LAP3: variants seen among roughly 807,000 people sequenced by gnomAD.
LAP3 encodes the protein leucine aminopeptidase 3.
LAP3 carries 46 observed loss-of-function variants against 58.8 expected under a neutral mutation model. That is an observed-to-expected ratio of 0.78 (90% CI 0.62 to 1.00). The LOEUF (loss-of-function observed/expected upper bound fraction) is 1.00, where lower values mean the gene tolerates loss of function less well. Among genes scored for constraint, LAP3 ranks in the 50% least tolerant of loss-of-function variants. LAP3 has a pLI of 0.00. For missense variants in LAP3, 615 were observed against 659.1 expected, an observed-to-expected ratio of 0.93 and a Z score of 0.73; for synonymous variants, 257 against 237.7, an observed-to-expected ratio of 1.08 and a Z score of -0.75.
Position 17,607,661 on chromosome 4 carries a change from G to A in LAP3, c.*72G>A. 1.7e-6 allele frequency: 2 copies of A among 1,160,278 alleles called. No individual in the cohort carries two copies. The highest frequency in any genetic ancestry group is 2.6e-5 in the East Asian group (1 of 39,178). The allele number at this position is 1,160,278 out of a possible 1,614,324, so 71.9% of individuals were successfully genotyped here. ...GAACTTAAAAGGTTTTTGAATAAAT[G>A]GATGAAAATCTTTTAACGGAGACAA... On this transcript the variant is annotated 3_prime_UTR_variant, in exon 13 of 13. Transcript: ENST00000226299.
chr4:17,591,868 T>TA (rs1196896453), intron 7 of LAP3, among the ~76,000 whole-genome samples: 4 of 152,154 alleles, frequency 2.6e-5, no homozygotes, highest in African/African-American at 9.7e-5. Flanking sequence ...CAGTTGGCCG[T>TA]AACTGAAGGG....
rs772615869 is a variant in LAP3 at position 17,598,464 on chromosome 4, C to A, written c.1086C>A (p.Asn362Lys). The change falls in exon 10 of 13, where the codon AAC becomes AAA. Residue 362 changes from asparagine to lysine, a missense_variant. Transcript: ENST00000226299. ...AKNGKTIQVD[N>K]TDAEGRLILA... Reference sequence around the variant, plus strand: ...TTTTTGACCCTCTGCAGGTTGATAACACTGATGCTGAGGGGAGGCTCATAC... The same window carrying A: ...TTTTTGACCCTCTGCAGGTTGATAAAACTGATGCTGAGGGGAGGCTCATAC... 6.2e-7 allele frequency: 1 copy of A among 1,612,680 alleles called. No individual in the cohort carries two copies. The highest frequency in any genetic ancestry group is 1.1e-5 in the South Asian group (1 of 91,042).
At chr4:17,585,868 T>G (rs370928468) in intron 6 of LAP3, 3 of 152,348 alleles carry the variant, frequency 2.0e-5, no homozygotes, top group East Asian at 3.9e-4. Context: ...ACACTTTGGT[T>G]GTTTTTACCT....
At chr4:17,580,176 A>ATGTGTG (rs1166768597) in intron 2 of LAP3, among the ~76,000 whole-genome samples, 7 of 65,570 alleles carry the variant, frequency 1.1e-4, no homozygotes, top group Admixed American at 5.5e-4. Flanking sequence ...ATATATATAT[A>ATGTGTG]TATATGTATT....
intron 7 of LAP3, among the ~76,000 whole-genome samples, chr4:17,591,445 A>G (rs1220910503): frequency 4.6e-5 from 7 of 152,182 alleles, no homozygotes; most frequent in Non-Finnish European, 1.0e-4. Flanking sequence ...CTGGCCCTAG[A>G]CTAAATGTCT....
chr4:17,579,783 A>C, intron 1 of LAP3, 41 bp from the exon 2 acceptor site: 2 of 1,110,206 alleles, frequency 1.8e-6, no homozygotes, highest in Non-Finnish European at 1.4e-6. Flanking sequence ...TAAGGGATCT[A>C]CTCTAATTCT....
intron 10 of LAP3, 28 bp from the exon 11 acceptor site, chr4:17,604,560 A>G (rs779129665): frequency 1.9e-6 from 3 of 1,599,398 alleles, no homozygotes; most frequent in East Asian, 2.2e-5. Context: ...GAGAGACTGC[A>G]CGTGACCTGA....
At chr4:17,585,313 T>G in intron 6 of LAP3, 177 bp downstream of exon 6, 1 of 549,014 alleles carries the variant, frequency 1.8e-6, no homozygotes, top group Non-Finnish European at 3.3e-6. Context: ...CTTTCTATCT[T>G]TCCTTGCCTT....
In LAP3 at chr4:17,586,380, A is replaced by G. The variant is rs190850396; in HGVS notation, c.704+1244A>G. On this transcript the variant is annotated intron_variant, in intron 6 of 12. Coordinates refer to ENST00000226299, the MANE Select transcript of LAP3 (RefSeq NM_015907.3). ...ATCTATGGTTTAGACAGAGTGAAGAAAAATTAATAGTCTGTAGAAAGCACA... is the reference window on the plus strand; with the variant it reads ...ATCTATGGTTTAGACAGAGTGAAGAGAAATTAATAGTCTGTAGAAAGCACA... The G allele has an allele frequency of 4.6e-5, 7 of 152,352 alleles. No individual in the cohort carries two copies. The East Asian group carries it at 1.4e-3, about 29-fold the overall frequency. 9.4% of individuals were successfully genotyped at this position (152,352 alleles called of 1,614,324 possible).
chr4:17,589,058 G>C, intron 7 of LAP3, 81 bp downstream of exon 7: 1 of 1,411,322 alleles, frequency 7.1e-7, no homozygotes, highest in Non-Finnish European at 9.5e-7. Flanking sequence ...GGGTTTTTTG[G>C]TTTGATTTTT....
intron 7 of LAP3, among the ~76,000 whole-genome samples, chr4:17,590,280 G>T (rs1422202871): frequency 6.6e-6 from 1 of 152,166 alleles, no homozygotes; most frequent in Non-Finnish European, 1.5e-5. Context: ...ACCATACGAT[G>T]TTGATGTCCC....
rs201319702 is a variant in LAP3 at position 17,607,448 on chromosome 4, T to C, written c.1419T>C (p.Thr473=). ...CAGCATTCCTGAAAGAATTCGTAAC[T>C]CATCCTAAGTGGGCACATTTAGACA... ...TAAAFLKEFV[T]HPKWAHLDIA... The change falls in exon 13 of 13, where the codon ACT becomes ACC. Residue 473 remains threonine, a synonymous_variant. Transcript: ENST00000226299. 1,410 of 1,613,852 alleles carry C rather than the reference T, an allele frequency of 8.7e-4. 2 individuals are homozygous for C. The highest frequency in any genetic ancestry group is 1.0e-3 in the Non-Finnish European group (1,230 of 1,180,008).
At chr4:17,587,913 G>A (rs890098482) in intron 6 of LAP3, among the ~76,000 whole-genome samples, 1 of 151,348 alleles carries the variant, frequency 6.6e-6, no homozygotes, top group Admixed American at 6.6e-5. Flanking sequence ...CAGTCATTGG[G>A]ATATAGCTTT....
intron 11 of LAP3, among the ~76,000 whole-genome samples, 179 bp from the exon 12 acceptor site, chr4:17,606,650 T>C (rs1714150324): frequency 6.6e-6 from 1 of 152,138 alleles, no homozygotes; most frequent in Non-Finnish European, 1.5e-5. Context: ...CTGGTTTCTT[T>C]TATAGTTCTA....
At position 17,577,428 on chromosome 4, in the gene LAP3, GC is replaced by G; in HGVS notation, c.-37del. 2.0e-6 allele frequency: 3 copies of G among 1,476,040 alleles called. No individual in the cohort carries two copies. The highest frequency in any genetic ancestry group is 2.7e-6 in the Non-Finnish European group (3 of 1,097,930). The allele number at this position is 1,476,040 out of a possible 1,614,324, so 91.4% of individuals were successfully genotyped here. A position where few individuals can be genotyped will look rare whatever the true frequency, so the allele number is the denominator to read the frequency against. ...CGCGCCCGCCCACCGCTCTCCACGTGCTCGCTGGAGGGCGGTGCGAGGGGCC... is the reference window on the plus strand; with the variant it reads ...CGCGCCCGCCCACCGCTCTCCACGTGTCGCTGGAGGGCGGTGCGAGGGGCC... On this transcript the variant is annotated 5_prime_UTR_variant, in exon 1 of 13. Transcript: ENST00000226299.
intron 7 of LAP3, among the ~76,000 whole-genome samples, chr4:17,594,644 C>T (rs1308473402): frequency 6.6e-6 from 1 of 152,190 alleles, no homozygotes; most frequent in Non-Finnish European, 1.5e-5. Context: ...TAATTGCAGC[C>T]TTATTCAGTT....
At position 17,577,581 on chromosome 4, in the gene LAP3, G is replaced by A. The variant is rs1713242502; in HGVS notation, c.102+14G>A. The A allele has an allele frequency of 1.3e-6, 2 of 1,530,326 alleles. No homozygotes were observed. The highest frequency in any genetic ancestry group is 2.5e-5 in the East Asian group (1 of 39,428). The allele number at this position is 1,530,326 out of a possible 1,614,324, so 94.8% of individuals were successfully genotyped here. ...GACATGACGAAGGTGAGAGGCGGCG[G>A]CTCGCTCATGGTCCGCCGCTGGGGC... is the stretch of plus-strand genomic sequence containing the variant. On this transcript the variant is annotated intron_variant, in intron 1 of 12. Transcript: ENST00000226299.
chr4:17,598,606 G>A (rs780663554), intron 10 of LAP3, 48 bp downstream of exon 10: 35 of 1,346,430 alleles, frequency 2.6e-5, no homozygotes, highest in South Asian at 1.5e-4. Flanking sequence ...AGTCTTGTTC[G>A]TTGCATGGAT....
At chr4:17,596,614 C>T (rs577895072) in intron 8 of LAP3, among the ~76,000 whole-genome samples, 21 of 152,348 alleles carry the variant, frequency 1.4e-4, no homozygotes, top group South Asian at 1.2e-3. Context: ...GCTGGGATTA[C>T]AGGCATGAGC....
Sources: gnomAD v4.1 joint callset for allele counts (sites outside exome capture counted in the v4.1 genomes callset) on GRCh38, gnomAD v4.1.1 for gene constraint, MANE v1.5 for transcripts, NCBI Gene and HGNC (gene_info 2026-07-23, HGNC 2026-07-21) for gene names.